NOX5: variants seen among roughly 807,000 people sequenced by gnomAD.
The protein encoded by NOX5 is NADPH oxidase 5.
A neutral mutation model predicts 85.7 loss-of-function variants in NOX5; 76 were observed. That is an observed-to-expected ratio of 0.89 (90% CI 0.74 to 1.07). NOX5 has a LOEUF of 1.07. Ranked by LOEUF, NOX5 falls within the 50% of genes least tolerant of loss-of-function variation. The pLI is 0.00. For synonymous variants in NOX5, 405 were observed against 401.4 expected (o/e 1.01, Z -0.11); for missense variants, 973 against 999.5 (o/e 0.97, Z 0.36).
At chr15:69,021,216 A>G (rs148696852) in intron 1 of NOX5, among the ~76,000 whole-genome samples, 9 of 152,328 alleles carry the variant, frequency 5.9e-5, no homozygotes, top group South Asian at 2.1e-4. Context: ...GAATCTTACT[A>G]TCTCTTTCTA....
chr15:69,056,787 G>A lies in NOX5; in HGVS notation c.*91G>A, dbSNP rs866935049. The A allele has an allele frequency of 6.7e-7, 1 of 1,500,404 alleles. No individual in the cohort carries two copies. Among genetic ancestry groups the A allele is most frequent in the Non-Finnish European group, 9.0e-7 (1 of 1,113,364 alleles). The allele number at this position is 1,500,404 out of a possible 1,614,324, so 92.9% of individuals were successfully genotyped here. On this transcript the variant is annotated 3_prime_UTR_variant, in exon 16 of 16. Transcript: ENST00000388866. Reference sequence around the variant, plus strand: ...GCCCCCACAGGGACCAGCCTCAGATGACCCACCCAATAAGACAAAGCCTAG... The same window carrying A: ...GCCCCCACAGGGACCAGCCTCAGATAACCCACCCAATAAGACAAAGCCTAG...
chr15:69,028,486 C>A, intron 3 of NOX5, 121 bp downstream of exon 3: 1 of 943,470 alleles, frequency 1.1e-6, no homozygotes, highest in Non-Finnish European at 1.5e-6. Context: ...CAGCCTGGGA[C>A]TGGTTTCTCC....
intron 1 of NOX5, among the ~76,000 whole-genome samples, chr15:69,024,728 A>G (rs1354741999): frequency 6.6e-6 from 1 of 152,158 alleles, no homozygotes; most frequent in African/African-American, 2.4e-5. Context: ...CACATAGTCT[A>G]TATAGGGTTT....
At position 69,018,093 on chromosome 15, in the gene NOX5, G is replaced by A. The variant is rs538846603; in HGVS notation, c.50+3308G>A. On this transcript the variant is annotated intron_variant, in intron 1 of 15. Coordinates refer to ENST00000388866, the MANE Select transcript of NOX5 (RefSeq NM_024505.4). ...CTCTTGAGATGATGCAATTGTGGGC[G>A]GTCCATGGACCGGACCGCACTCATG... is the stretch of plus-strand genomic sequence containing the variant. Among the ~76,000 whole-genome samples, 9 of 152,084 alleles carry A rather than the reference G, an allele frequency of 5.9e-5. No individual in the cohort carries two copies. The East Asian group carries it at 1.4e-3, about 23-fold the overall frequency.
At chr15:69,055,555 A>G in intron 15 of NOX5, 55 bp downstream of exon 15, 1 of 1,585,236 alleles carries the variant, frequency 6.3e-7, no homozygotes, top group Non-Finnish European at 8.6e-7. Flanking sequence ...TGAGAGCTCG[A>G]GGCAGCGGTG....
chr15:69,056,774 A>T lies in NOX5; in HGVS notation c.*78A>T. On this transcript the variant is annotated 3_prime_UTR_variant, in exon 16 of 16. Coordinates refer to ENST00000388866, the MANE Select transcript of NOX5 (RefSeq NM_024505.4). ...CATTAGTATAAATGCCCCCACAGGG[A>T]CCAGCCTCAGATGACCCACCCAATA... is the stretch of plus-strand genomic sequence containing the variant. 6.4e-7 allele frequency: 1 copy of T among 1,551,492 alleles called. No individual in the cohort carries two copies. The highest frequency in any genetic ancestry group is 8.7e-7 in the Non-Finnish European group (1 of 1,148,840).
At chr15:69,025,507 T>C (rs1008377471) in intron 1 of NOX5, among the ~76,000 whole-genome samples, 1 of 152,094 alleles carries the variant, frequency 6.6e-6, no homozygotes, top group African/African-American at 2.4e-5. Context: ...GAGCAAGCCA[T>C]TGGGTGACTC....
At chr15:69,049,233 C>G (rs1334621733) in intron 14 of NOX5, among the ~76,000 whole-genome samples, 175 bp downstream of exon 14, 5 of 151,422 alleles carry the variant, frequency 3.3e-5, no homozygotes, top group Admixed American at 2.6e-4. Flanking sequence ...ACTCTGTCGC[C>G]CAAGCTGAAG....
In NOX5 at chr15:69,047,854, C is replaced by CCCCA; in HGVS notation, c.1843_1846dup (p.Ser616ThrfsTer19). ...GGCACCAGAAAAGAAAGCATACTTGCCCCAGCTGCCAGCACTCCTGGATCG... is the reference window on the plus strand; with the variant it reads ...GGCACCAGAAAAGAAAGCATACTTGCCCCACCCAGCTGCCAGCACTCCTGGATCG... On this transcript the variant is annotated frameshift_variant, in exon 13 of 16. Transcript: ENST00000388866. LOFTEE classifies it high-confidence loss of function. 1 of 1,614,170 alleles carries CCCCA rather than the reference C, an allele frequency of 6.2e-7. No homozygotes were observed. Among genetic ancestry groups the CCCCA allele is most frequent in the Non-Finnish European group, 8.5e-7 (1 of 1,180,020 alleles).
At chr15:69,028,647 GA>G (rs2050390888) in intron 3 of NOX5, 1 of 272,550 alleles carries the variant, frequency 3.7e-6, no homozygotes, top group Non-Finnish European at 6.9e-6. Flanking sequence ...CCAGAGGCCA[GA>G]ACCTTTTTCT....
rs769046961 is a variant in NOX5 at position 69,055,336 on chromosome 15, C to G, written c.2002C>G (p.Arg668Gly). Residue 668 changes from arginine to glycine, a missense_variant and splice_region_variant, in exon 15 of 16, where the codon CGC (arginine) becomes GGC (glycine). By Grantham distance (125) the Arg-to-Gly change is moderately radical. Coordinates refer to ENST00000388866, the MANE Select transcript of NOX5 (RefSeq NM_024505.4). ...AGCCCTTGTCCCCTGCCCAACAGGC[C>G]GCTTCCTGGAGCTGCATATGTACAT... The part of the protein sequence containing the change: ...MDQAEEAQYG[R>G]FLELHMYMTS... 2 of 1,613,726 alleles carry G rather than the reference C, an allele frequency of 1.2e-6. No individual in the cohort carries two copies. The highest frequency in any genetic ancestry group is 3.3e-5 in the Admixed American group (2 of 60,016).
Position 69,042,802 on chromosome 15 carries a change from C to T in NOX5, c.1644C>T (p.Ser548=), listed in dbSNP as rs2050612476. The part of the protein sequence containing the change: ...SVTMRKSQRS[S]KGSEILLEKH... ...CAATGAGAAAGAGTCAAAGGTCGTC[C>T]AAGGTAGGTGGCTACTGGAGGGAAG... Residue 548 remains serine, a synonymous_variant, in exon 10 of 16, where the codon TCC becomes TCT. Transcript: ENST00000388866. 1 of 1,613,080 alleles carries T rather than the reference C, an allele frequency of 6.2e-7. No homozygotes were observed.
intron 13 of NOX5, among the ~76,000 whole-genome samples, chr15:69,048,296 G>A (rs1404247583): frequency 6.6e-6 from 1 of 152,178 alleles, no homozygotes; most frequent in Non-Finnish European, 1.5e-5. Context: ...ACTTTGGGAG[G>A]CCAAGGCAGG....
intron 10 of NOX5, among the ~76,000 whole-genome samples, chr15:69,044,335 C>T (rs1184968357): frequency 6.6e-6 from 1 of 152,204 alleles, no homozygotes; most frequent in Non-Finnish European, 1.5e-5. Context: ...GGCATAGTCA[C>T]TGCTTACCTT....
rs2050211580 is a variant in NOX5 at position 69,014,784 on chromosome 15, G to A, written c.49G>A (p.Gly17Ser). The change falls in exon 1 of 16, where the codon GGC (glycine) becomes AGC (serine). Residue 17 changes from glycine (G) to serine (S), a missense_variant and splice_region_variant. Transcript: ENST00000388866. ...CCAGACGGGCCCTGAAGGCTGTAGA[G>A]GGTGAGTGGCTCATTTGTCCAGCTT... ...PAQTGPEGCR[G>S]TMSAEEDARW... 6.5e-7 allele frequency: 1 copy of A among 1,547,922 alleles called. No individual in the cohort carries two copies. Among genetic ancestry groups the A allele is most frequent in the Non-Finnish European group, 8.7e-7 (1 of 1,144,536 alleles).
At chr15:69,036,495 C>A (rs28666400) in intron 7 of NOX5, among the ~76,000 whole-genome samples, 1 of 152,076 alleles carries the variant, frequency 6.6e-6, no homozygotes, top group South Asian at 2.1e-4. Flanking sequence ...TGTGGCCTGA[C>A]CACATCAGAA....
At chr15:69,035,278 G>A in intron 5 of NOX5, 76 bp from the exon 6 acceptor site, 1 of 1,495,742 alleles carries the variant, frequency 6.7e-7, no homozygotes, top group Non-Finnish European at 9.1e-7. Flanking sequence ...TCAGGAGGAT[G>A]CAGGGAGGTG....
At chr15:69,021,786 A>AC (rs2050298272) in intron 1 of NOX5, among the ~76,000 whole-genome samples, 2 of 152,006 alleles carry the variant, frequency 1.3e-5, no homozygotes, top group African/African-American at 2.4e-5. Flanking sequence ...ATTAATGTAT[A>AC]TTTGGGGGTT....
chr15:69,023,308 C>A, intron 1 of NOX5: 1 of 255,630 alleles, frequency 3.9e-6, no homozygotes, highest in Non-Finnish European at 7.7e-6. Flanking sequence ...AGGATCTCAG[C>A]TTTCAAGATC....
Sources: allele counts gnomAD v4.1 joint callset (sites outside exome capture counted in the v4.1 genomes callset), GRCh38; gene constraint gnomAD v4.1.1; transcripts MANE v1.5; gene names NCBI Gene and HGNC (gene_info 2026-07-23, HGNC 2026-07-21).